Variants in PPM1L observed in about 807,000 individuals in gnomAD.
PPM1L encodes protein phosphatase 1L.
In PPM1L, 13 loss-of-function variants were observed where a neutral mutation model predicts 31.4. The ratio of observed to expected loss-of-function variants is 0.41; its 90% CI spans 0.27 to 0.66. The LOEUF (loss-of-function observed/expected upper bound fraction) is 0.66. Ranked by LOEUF, PPM1L falls within the 30% of genes least tolerant of loss-of-function variation. PPM1L has a pLI of 0.29. For missense variants in PPM1L, 326 were observed against 453.7 expected (o/e 0.72, Z 2.56); for synonymous variants, 184 against 175.4 (o/e 1.05, Z -0.39).
chr3:160,940,219 T>G (rs1715116584), intron 1 of PPM1L, among the ~76,000 whole-genome samples: 1 of 152,084 alleles, frequency 6.6e-6, no homozygotes, highest in Non-Finnish European at 1.5e-5. Context: ...AGGCATTCAG[T>G]TTTATAAGGG....
chr3:160,845,425 T>C, intron 1 of PPM1L, among the ~76,000 whole-genome samples: 1 of 152,056 alleles, frequency 6.6e-6, no homozygotes, highest in African/African-American at 2.4e-5. Context: ...TGCAAATGTT[T>C]TTTCCATTCT....
At position 160,770,721 on chromosome 3, in the gene PPM1L, C is replaced by T. The variant is rs186255112; in HGVS notation, c.399+14014C>T. Among the ~76,000 whole-genome samples, 7 of 152,320 alleles carry T rather than the reference C, an allele frequency of 4.6e-5. No individual in the cohort carries two copies. In the East Asian group the frequency reaches 1.2e-3, roughly 25 times the overall value. ...ACGTTGAAAGACCTAACCAGATATGCTCAGGAATCCTGCCCTCTGGTTTCA... is the reference window on the plus strand; with the variant it reads ...ACGTTGAAAGACCTAACCAGATATGTTCAGGAATCCTGCCCTCTGGTTTCA... On this transcript the variant is annotated intron_variant, in intron 1 of 3. Coordinates refer to ENST00000498165, the MANE Select transcript of PPM1L (RefSeq NM_139245.4).
chr3:161,060,382 C>T (rs1719532953), intron 2 of PPM1L, among the ~76,000 whole-genome samples: 1 of 152,054 alleles, frequency 6.6e-6, no homozygotes, highest in Non-Finnish European at 1.5e-5. Flanking sequence ...TGATATTAGA[C>T]AAATTAGCTA....
chr3:160,948,767 A>G (rs903710018), intron 1 of PPM1L, among the ~76,000 whole-genome samples: 1 of 152,176 alleles, frequency 6.6e-6, no homozygotes, highest in African/African-American at 2.4e-5. Context: ...GTCATTGCAT[A>G]TAGTCAAGGT....
chr3:160,821,960 A>C (rs896469388), intron 1 of PPM1L, among the ~76,000 whole-genome samples: 1 of 152,014 alleles, frequency 6.6e-6, no homozygotes, highest in Non-Finnish European at 1.5e-5. Flanking sequence ...TTGATAGTCT[A>C]AGGAGTAAAG....
rs1351767671 is a variant in PPM1L at position 161,075,124 on chromosome 3, ATCAGCTCTCATTACCTTT to A, written c.*5969_*5986del. 1 of 152,192 alleles carries A rather than the reference ATCAGCTCTCATTACCTTT, an allele frequency of 6.6e-6. No individual in the cohort carries two copies. Among genetic ancestry groups the A allele is most frequent in the Non-Finnish European group, 1.5e-5 (1 of 68,048 alleles). The allele number at this position is 152,192 out of a possible 1,614,324, so 9.4% of individuals were successfully genotyped here. ...GCTGCCACTTCAGGAGAGGGATTGT[ATCAGCTCTCATTACCTTT>A]TGTCATGAGGCAGTTCATAAATTAA... On this transcript the variant is annotated 3_prime_UTR_variant, in exon 4 of 4. Transcript: ENST00000498165.
At chr3:161,032,826 G>T (rs1216597483) in intron 2 of PPM1L, among the ~76,000 whole-genome samples, 2 of 150,772 alleles carry the variant, frequency 1.3e-5, no homozygotes, top group Non-Finnish European at 2.9e-5. Flanking sequence ...CTGAGTAGCT[G>T]GGATTACAGA....
chr3:161,045,853 T>A (rs1345270502), intron 2 of PPM1L, among the ~76,000 whole-genome samples: 1 of 152,080 alleles, frequency 6.6e-6, no homozygotes, highest in Non-Finnish European at 1.5e-5. Flanking sequence ...GGCTCATGCC[T>A]GTAATCCCAG....
chr3:161,046,892 C>T (rs1286822176), intron 2 of PPM1L, among the ~76,000 whole-genome samples: 1 of 152,140 alleles, frequency 6.6e-6, no homozygotes, highest in Non-Finnish European at 1.5e-5. Context: ...TTCAACAGCC[C>T]TTCATGCTAA....
intron 1 of PPM1L, among the ~76,000 whole-genome samples, chr3:160,859,588 C>T (rs1576674846): frequency 1.3e-5 from 2 of 152,076 alleles, no homozygotes; most frequent in Non-Finnish European, 1.5e-5. Flanking sequence ...TTTGCCCACC[C>T]CTGGTCTAGC....
intron 2 of PPM1L, among the ~76,000 whole-genome samples, chr3:161,054,118 G>C (rs1000018841): frequency 3.9e-5 from 6 of 151,966 alleles, no homozygotes; most frequent in African/African-American, 1.5e-4. Flanking sequence ...GAGCCTCCCT[G>C]CATATATGGG....
At chr3:160,872,844 T>A (rs1256955317) in intron 1 of PPM1L, among the ~76,000 whole-genome samples, 3 of 152,102 alleles carry the variant, frequency 2.0e-5, no homozygotes, top group Admixed American at 2.0e-4. Flanking sequence ...GGAGAATCGC[T>A]TGAACCCCGG....
chr3:160,869,935 T>G (rs1418349832), intron 1 of PPM1L, among the ~76,000 whole-genome samples: 5 of 152,204 alleles, frequency 3.3e-5, no homozygotes, highest in Admixed American at 6.5e-5. Context: ...GCTTGTCCGT[T>G]GTTGCTAGAA....
intron 2 of PPM1L, among the ~76,000 whole-genome samples, chr3:160,982,780 A>G (rs1159581833): frequency 3.3e-5 from 5 of 152,104 alleles, no homozygotes; most frequent in Admixed American, 2.6e-4. Context: ...TTTTTCACCA[A>G]ATCTCCACCT....
intron 1 of PPM1L, among the ~76,000 whole-genome samples, chr3:160,823,987 A>C (rs1320115550): frequency 6.6e-6 from 1 of 152,168 alleles, no homozygotes; most frequent in Non-Finnish European, 1.5e-5. Context: ...TACATTTCAT[A>C]TCGAGACAAA....
At chr3:160,996,074 C>T (rs1294024500) in intron 2 of PPM1L, among the ~76,000 whole-genome samples, 1 of 152,100 alleles carries the variant, frequency 6.6e-6, no homozygotes, top group Admixed American at 6.5e-5. Context: ...AAATGCAAAT[C>T]GAAACCACAG....
intron 1 of PPM1L, among the ~76,000 whole-genome samples, chr3:160,872,288 T>C (rs993027395): frequency 1.3e-5 from 2 of 152,242 alleles, no homozygotes; most frequent in Non-Finnish European, 2.9e-5. Context: ...TTAGGTATCA[T>C]TGACCCAAAT....
At chr3:160,953,548 T>C (rs547008656) in intron 1 of PPM1L, among the ~76,000 whole-genome samples, 1 of 152,270 alleles carries the variant, frequency 6.6e-6, no homozygotes, top group Admixed American at 6.5e-5. Flanking sequence ...CCCAGAGAAA[T>C]ATACTAAAAG....
chr3:161,009,004 A>C (rs1179075932), intron 2 of PPM1L, among the ~76,000 whole-genome samples: 1 of 152,180 alleles, frequency 6.6e-6, no homozygotes, highest in African/African-American at 2.4e-5. Context: ...GTTCTGTGGA[A>C]GGAGCCCTGG....
Sources: gnomAD v4.1 joint callset for allele counts (sites outside exome capture counted in the v4.1 genomes callset) on GRCh38, gnomAD v4.1.1 for gene constraint, MANE v1.5 for transcripts, NCBI Gene and HGNC (gene_info 2026-07-23, HGNC 2026-07-21) for gene names.